Variants in TTC7B observed in about 807,000 individuals in gnomAD.
The protein encoded by TTC7B is tetratricopeptide repeat domain 7B, also known as tetratricopeptide repeat protein 7B.
In TTC7B, 28 loss-of-function variants were observed where a neutral mutation model predicts 106.8. The ratio of observed to expected loss-of-function variants is 0.26; its 90% CI spans 0.19 to 0.36. The LOEUF (loss-of-function observed/expected upper bound fraction) is 0.36, where lower values mean the gene tolerates loss of function less well. TTC7B is among the 10% of genes least tolerant of loss of function. The probability of loss-of-function intolerance (pLI) is 1.00; values close to 1 mark genes in which losing one functional copy is unlikely to be tolerated. For synonymous variants in TTC7B, 405 were observed against 430.6 expected, an observed-to-expected ratio of 0.94 and a Z score of 0.74; for missense variants, 862 against 1,076.4, an observed-to-expected ratio of 0.80 and a Z score of 2.79.
At chr14:90,652,934 G>C in intron 12 of TTC7B, 36 bp from the exon 13 acceptor site, 1 of 1,609,656 alleles carries the variant, frequency 6.2e-7, no homozygotes, top group Non-Finnish European at 8.5e-7. Flanking sequence ...TGGCATGGGG[G>C]ATCAGGGAAT....
rs1359868820 is a variant in TTC7B at position 90,536,301 on chromosome 14, C to T, written c.*5067G>A. 2 of 154,336 alleles carry T rather than the reference C, an allele frequency of 1.3e-5. No homozygotes were observed. Among genetic ancestry groups the T allele is most frequent in the African/African-American group, 4.8e-5 (2 of 41,462 alleles). 9.6% of individuals were successfully genotyped at this position (154,336 alleles called of 1,614,324 possible). On this transcript the variant is annotated 3_prime_UTR_variant, in exon 20 of 20. Transcript: ENST00000328459. The stretch of plus-strand genomic sequence containing the variant: ...CAGCCCCGGAGCTCAGCCCTGACCT[C>T]TTCCTCTTTGTCTATGCTTGTCCCG...
intron 17 of TTC7B, among the ~76,000 whole-genome samples, chr14:90,607,992 T>G (rs1353261024): frequency 6.6e-6 from 1 of 152,252 alleles, no homozygotes. Context: ...CAGCACCTTG[T>G]GAATTAGTTT....
At chr14:90,725,285 G>A (rs1018251539) in intron 5 of TTC7B, among the ~76,000 whole-genome samples, 8 of 152,234 alleles carry the variant, frequency 5.3e-5, no homozygotes, top group African/African-American at 1.2e-4. Flanking sequence ...ACGTCCTGGC[G>A]GGCGCCCTCA....
chr14:90,542,089 G>C (rs865789754), intron 19 of TTC7B, among the ~76,000 whole-genome samples: 1 of 152,064 alleles, frequency 6.6e-6, no homozygotes, highest in East Asian at 1.9e-4. Context: ...ACAGGCGCCC[G>C]CCACCACGCC....
chr14:90,567,300 C>G (rs1890839939), intron 19 of TTC7B, among the ~76,000 whole-genome samples: 1 of 152,232 alleles, frequency 6.6e-6, no homozygotes, highest in South Asian at 2.1e-4. Context: ...AACTCAGGCA[C>G]GTCCTGGGCT....
chr14:90,797,732 A>G (rs553346206), intron 1 of TTC7B, among the ~76,000 whole-genome samples: 1 of 152,182 alleles, frequency 6.6e-6, no homozygotes, highest in Non-Finnish European at 1.5e-5. Flanking sequence ...TCCCACAGAT[A>G]TATGCAATCT....
chr14:90,738,567 A>T (rs1889634669), intron 4 of TTC7B, among the ~76,000 whole-genome samples: 1 of 152,038 alleles, frequency 6.6e-6, no homozygotes, highest in African/African-American at 2.4e-5. Flanking sequence ...AGACTGCGCC[A>T]TTGCACTCAA....
At chr14:90,728,586 T>C (rs1253897170) in intron 5 of TTC7B, among the ~76,000 whole-genome samples, 2 of 152,218 alleles carry the variant, frequency 1.3e-5, no homozygotes, top group Admixed American at 6.5e-5. Context: ...TCATTATTAT[T>C]TTTTAGTTGG....
At chr14:90,597,060 C>T (rs1331625724) in intron 17 of TTC7B, among the ~76,000 whole-genome samples, 1 of 152,098 alleles carries the variant, frequency 6.6e-6, no homozygotes, top group Non-Finnish European at 1.5e-5. Flanking sequence ...GACGTTTCCC[C>T]TAACGTAAAA....
intron 3 of TTC7B, among the ~76,000 whole-genome samples, chr14:90,773,241 TG>T (rs1890920461): frequency 6.6e-6 from 1 of 152,254 alleles, no homozygotes; most frequent in Non-Finnish European, 1.5e-5. Context: ...TCAGTACTCT[TG>T]TGAGAGTATT....
At chr14:90,699,730 A>C (rs1055594551) in intron 5 of TTC7B, among the ~76,000 whole-genome samples, 1 of 152,214 alleles carries the variant, frequency 6.6e-6, no homozygotes, top group Non-Finnish European at 1.5e-5. Flanking sequence ...CTTCTCACCA[A>C]CCAGCACTCC....
chr14:90,683,178 G>A (rs1353155562), intron 7 of TTC7B, among the ~76,000 whole-genome samples: 4 of 152,050 alleles, frequency 2.6e-5, no homozygotes, highest in African/African-American at 7.2e-5. Flanking sequence ...AAAGGTCACC[G>A]GCATCCCCTA....
At chr14:90,680,398 TG>T in intron 8 of TTC7B, 73 bp downstream of exon 8, 1 of 1,110,188 alleles carries the variant, frequency 9.0e-7, no homozygotes, top group Non-Finnish European at 1.4e-6. Context: ...GTCATGATAC[TG>T]GCAGAATGGC....
At chr14:90,610,867 C>A in intron 16 of TTC7B, 28 bp from the exon 17 acceptor site, 1 of 1,545,158 alleles carries the variant, frequency 6.5e-7, no homozygotes, top group South Asian at 1.1e-5. Context: ...AAATGTCAGT[C>A]ACCTGCAAGG....
chr14:90,560,134 C>A (rs956904775), intron 19 of TTC7B, among the ~76,000 whole-genome samples: 1 of 152,270 alleles, frequency 6.6e-6, no homozygotes, highest in African/African-American at 2.4e-5. Flanking sequence ...GTCTCCTGTG[C>A]CTGCCTTTCC....
chr14:90,609,668 T>C (rs1356253417), intron 17 of TTC7B, among the ~76,000 whole-genome samples: 4 of 152,110 alleles, frequency 2.6e-5, no homozygotes, highest in Non-Finnish European at 5.9e-5. Context: ...CATACCCAGA[T>C]AGAAATTCAG....
At chr14:90,597,311 G>C (rs779716581) in intron 17 of TTC7B, among the ~76,000 whole-genome samples, 3 of 152,110 alleles carry the variant, frequency 2.0e-5, no homozygotes, top group Non-Finnish European at 4.4e-5. Context: ...GTATTGGAAG[G>C]AGGGGGAAGG....
In TTC7B at chr14:90,537,085, G is replaced by A. The variant is rs974058108; in HGVS notation, c.*4283C>T. ...GACACCCGTCCTCCTCCAGAGCCTG[G>A]GGAAGGAGCACAGCCCCACTGAAAG... On this transcript the variant is annotated 3_prime_UTR_variant, in exon 20 of 20. Transcript: ENST00000328459. The A allele has an allele frequency of 1.3e-5, 2 of 152,266 alleles. No individual in the cohort carries two copies. The highest frequency in any genetic ancestry group is 1.3e-4 in the Admixed American group (2 of 15,292). The allele number at this position is 152,266 out of a possible 1,614,324, so 9.4% of individuals were successfully genotyped here. A position where few individuals can be genotyped will look rare whatever the true frequency, so the allele number is the denominator to read the frequency against.
At chr14:90,667,324 A>G (rs1273525641) in intron 9 of TTC7B, among the ~76,000 whole-genome samples, 2 of 152,220 alleles carry the variant, frequency 1.3e-5, no homozygotes, top group Non-Finnish European at 2.9e-5. Flanking sequence ...TGGAGTTGCC[A>G]AGACTGGAGA....
Sources: allele counts gnomAD v4.1 joint callset (sites outside exome capture counted in the v4.1 genomes callset), GRCh38; gene constraint gnomAD v4.1.1; transcripts MANE v1.5; gene names NCBI Gene and HGNC (gene_info 2026-07-23, HGNC 2026-07-21).